The following ZMAT4 variants were observed in gnomAD, a reference collection of about 807,000 sequenced individuals.
ZMAT4 encodes zinc finger matrin-type protein 4.
Under a neutral mutation model 28.7 loss-of-function variants are expected in ZMAT4, and 17 were observed. The observed-to-expected ratio is 0.59, with a 90% CI of 0.41 to 0.89. The LOEUF (loss-of-function observed/expected upper bound fraction) is 0.89. Among genes scored for constraint, ZMAT4 ranks in the 40% least tolerant of loss-of-function variants. The pLI, the probability that ZMAT4 is intolerant of heterozygous loss-of-function variation, is 0.00. For missense variants in ZMAT4, 240 were observed against 283.8 expected (o/e 0.85, Z 1.11); for synonymous variants, 117 against 109.2 (o/e 1.07, Z -0.44).
chr8:40,810,553 T>C (rs755259834), intron 2 of ZMAT4, among the ~76,000 whole-genome samples: 14 of 152,158 alleles, frequency 9.2e-5, no homozygotes, highest in Non-Finnish European at 1.5e-4. Context: ...TTCTACCTTA[T>C]GCAATATTTA....
intron 3 of ZMAT4, among the ~76,000 whole-genome samples, chr8:40,748,975 T>G (rs1403459418): frequency 1.3e-5 from 2 of 152,172 alleles, no homozygotes. Context: ...AGTGCTGTTC[T>G]TGTGGAAGCG....
intron 2 of ZMAT4, among the ~76,000 whole-genome samples, chr8:40,799,935 A>G (rs1814766313): frequency 6.6e-6 from 1 of 152,232 alleles, no homozygotes; most frequent in African/African-American, 2.4e-5. Flanking sequence ...AAAAATAAGA[A>G]TAACTAATGT....
At chr8:40,802,866 G>T (rs1030035528) in intron 2 of ZMAT4, among the ~76,000 whole-genome samples, 5 of 152,132 alleles carry the variant, frequency 3.3e-5, no homozygotes, top group African/African-American at 1.2e-4. Context: ...ATTGGTGAAA[G>T]AATAGACAAA....
intron 1 of ZMAT4, among the ~76,000 whole-genome samples, chr8:40,852,117 C>A (rs1260886780): frequency 6.6e-6 from 1 of 152,186 alleles, no homozygotes; most frequent in South Asian, 2.1e-4. Flanking sequence ...AACTCCTGAC[C>A]TCAAGTGATC....
chr8:40,808,313 AG>A (rs1315735517), intron 2 of ZMAT4, among the ~76,000 whole-genome samples: 6 of 152,140 alleles, frequency 3.9e-5, no homozygotes, highest in Admixed American at 1.3e-4. Flanking sequence ...GAAACAATAA[AG>A]GTTTCAATAA....
chr8:40,613,180 C>CTTTCTTTTTTTTTTTTTTTTTTTT (rs71224837), intron 5 of ZMAT4, among the ~76,000 whole-genome samples: 4 of 79,968 alleles, frequency 5.0e-5, no homozygotes, highest in Admixed American at 4.0e-4. Flanking sequence ...TACTTTCTTT[C>CTTTCTTTTTTTTTTTTTTTTTTTT]TTTTTTTTTT....
intron 4 of ZMAT4, among the ~76,000 whole-genome samples, chr8:40,694,210 G>A (rs539789305): frequency 6.6e-6 from 1 of 152,318 alleles, no homozygotes; most frequent in South Asian, 2.1e-4. Context: ...GCTGCAGGCA[G>A]TAAGGGAGGA....
intron 3 of ZMAT4, among the ~76,000 whole-genome samples, chr8:40,759,224 G>A (rs1378308828): frequency 6.7e-6 from 1 of 148,850 alleles, no homozygotes. Context: ...GGAGGTTGCA[G>A]TGAGCCGAGG....
chr8:40,617,293 G>T (rs1260493877), intron 5 of ZMAT4, among the ~76,000 whole-genome samples: 4 of 152,186 alleles, frequency 2.6e-5, no homozygotes, highest in African/African-American at 7.2e-5. Flanking sequence ...TACACAAGAA[G>T]TTTCTTAAAA....
At chr8:40,881,433 G>GAGAGAGAA (rs1554497923) in intron 1 of ZMAT4, among the ~76,000 whole-genome samples, 44 of 70,316 alleles carry the variant, frequency 6.3e-4, no homozygotes, top group African/African-American at 2.4e-3. Flanking sequence ...AGAAGAAAGA[G>GAGAGAGAA]AGAAAGAAAG....
chr8:40,606,657 A>G (rs1484610751), intron 5 of ZMAT4, among the ~76,000 whole-genome samples: 1 of 152,290 alleles, frequency 6.6e-6, no homozygotes, highest in Non-Finnish European at 1.5e-5. Context: ...CTATGTGCCT[A>G]AGTGATTATC....
intron 2 of ZMAT4, among the ~76,000 whole-genome samples, chr8:40,776,243 G>A (rs764741099): frequency 2.6e-5 from 4 of 152,082 alleles, no homozygotes; most frequent in Admixed American, 1.3e-4. Flanking sequence ...AGGTCACTTC[G>A]TTTCTTCCAA....
chr8:40,874,823 C>A (rs144270956), intron 1 of ZMAT4, among the ~76,000 whole-genome samples: 1 of 152,154 alleles, frequency 6.6e-6, no homozygotes, highest in Non-Finnish European at 1.5e-5. Context: ...CTGCAGCAGG[C>A]GTGGTTTCGG....
At chr8:40,709,391 T>C (rs1024093929) in intron 3 of ZMAT4, among the ~76,000 whole-genome samples, 3 of 151,972 alleles carry the variant, frequency 2.0e-5, no homozygotes, top group Non-Finnish European at 4.4e-5. Flanking sequence ...CCCAAAACAA[T>C]CAACACAAAA....
chr8:40,590,469 T>TA (rs915499425), intron 5 of ZMAT4, among the ~76,000 whole-genome samples: 1 of 152,096 alleles, frequency 6.6e-6, no homozygotes, highest in Non-Finnish European at 1.5e-5. Context: ...AGGTTTTGTT[T>TA]ACCAGGCTGA....
At chr8:40,685,078 TG>T (rs1563410569) in intron 4 of ZMAT4, among the ~76,000 whole-genome samples, 1 of 152,212 alleles carries the variant, frequency 6.6e-6, no homozygotes, top group African/African-American at 2.4e-5. Flanking sequence ...TGTATCACTT[TG>T]AATTTAATCT....
At chr8:40,777,898 T>C (rs1399724364) in intron 2 of ZMAT4, among the ~76,000 whole-genome samples, 1 of 152,224 alleles carries the variant, frequency 6.6e-6, no homozygotes, top group Non-Finnish European at 1.5e-5. Flanking sequence ...ACCCTATTAC[T>C]TTATACTTTG....
At chr8:40,727,031 G>C (rs1189970461) in intron 3 of ZMAT4, among the ~76,000 whole-genome samples, 3 of 152,126 alleles carry the variant, frequency 2.0e-5, no homozygotes, top group Non-Finnish European at 4.4e-5. Context: ...ATACTTTCAA[G>C]TACAAGTACA....
At chr8:40,750,411 T>C (rs1478993804) in intron 3 of ZMAT4, among the ~76,000 whole-genome samples, 1 of 152,106 alleles carries the variant, frequency 6.6e-6, no homozygotes. Context: ...GAGAGCCATA[T>C]GAGAGTGAAG....
Sources: allele counts gnomAD v4.1 joint callset (sites outside exome capture counted in the v4.1 genomes callset), GRCh38; gene constraint gnomAD v4.1.1; transcripts MANE v1.5; gene names NCBI Gene and HGNC (gene_info 2026-07-23, HGNC 2026-07-21).